PPM1B: variants seen among roughly 807,000 people sequenced by gnomAD.
PPM1B encodes the protein protein phosphatase 1B.
Under a neutral mutation model 43.0 loss-of-function variants are expected in PPM1B, and 22 were observed. The observed-to-expected ratio is 0.51, with a 90% CI of 0.37 to 0.73. The LOEUF (loss-of-function observed/expected upper bound fraction) is 0.73, where lower values mean the gene tolerates loss of function less well. Ranked by LOEUF, PPM1B falls within the 30% of genes least tolerant of loss-of-function variation. The pLI, the probability that PPM1B is intolerant of heterozygous loss-of-function variation, is 0.00. For missense variants in PPM1B, 632 were observed against 584.2 expected, an observed-to-expected ratio of 1.08 and a Z score of -0.84; for synonymous variants, 217 against 197.9, an observed-to-expected ratio of 1.10 and a Z score of -0.81.
downstream of PPM1B, among the ~76,000 whole-genome samples, chr2:44,237,293 T>TA (rs1308326333): frequency 1.3e-5 from 2 of 152,246 alleles, no homozygotes; most frequent in African/African-American, 2.4e-5. Flanking sequence ...TCGTGTATGT[T>TA]ACATTATGGT....
At chr2:44,207,889 T>C (rs1038442438) in intron 2 of PPM1B, among the ~76,000 whole-genome samples, 1 of 26,166 alleles carries the variant, frequency 3.8e-5, no homozygotes, top group Non-Finnish European at 1.1e-4. Flanking sequence ...GGCTTTATGC[T>C]TTTTTTTTTT....
At chr2:44,216,743 T>C (rs1219984630) in intron 3 of PPM1B, among the ~76,000 whole-genome samples, 1 of 151,876 alleles carries the variant, frequency 6.6e-6, no homozygotes, top group African/African-American at 2.4e-5. Context: ...CTGGCCAACA[T>C]GGTGAAACCC....
At chr2:44,181,465 G>A (rs1257452164) in intron 1 of PPM1B, among the ~76,000 whole-genome samples, 2 of 152,196 alleles carry the variant, frequency 1.3e-5, no homozygotes, top group Admixed American at 6.5e-5. Flanking sequence ...ATGATAATCT[G>A]TAGGTGGATT....
chr2:44,245,083 A>G (rs931901930), downstream of PPM1B, among the ~76,000 whole-genome samples: 16 of 152,052 alleles, frequency 1.1e-4, no homozygotes, highest in Non-Finnish European at 1.8e-4. Context: ...GCCAAAATAA[A>G]CTACATTTTC....
chr2:44,174,642 T>G (rs1667496330), intron 1 of PPM1B, among the ~76,000 whole-genome samples: 1 of 152,358 alleles, frequency 6.6e-6, no homozygotes, highest in East Asian at 1.9e-4. Flanking sequence ...AAGAAGCAGT[T>G]CTGATCAATA....
chr2:44,196,763 G>C (rs1486327475), intron 1 of PPM1B, among the ~76,000 whole-genome samples: 1 of 152,156 alleles, frequency 6.6e-6, no homozygotes, highest in Non-Finnish European at 1.5e-5. Flanking sequence ...TTGTTGCTCA[G>C]ATTGTTTATC....
In PPM1B at chr2:44,193,939, A is replaced by G. The variant is rs145284796; in HGVS notation, c.-14-7247A>G. Among the ~76,000 whole-genome samples the G allele has an allele frequency of 3.1e-3, 479 of 152,206 alleles. 1 individual carries two copies. The highest frequency in any genetic ancestry group is 0.011 in the African/African-American group (462 of 41,528). On this transcript the variant is annotated intron_variant, in intron 1 of 5. Transcript: ENST00000282412. ...TTGTTGTCCAGGCTGGTCTCGAGCT[A>G]CTGGCCTCAAGCAATCCTCCTACCT...
intron 1 of PPM1B, among the ~76,000 whole-genome samples, chr2:44,180,150 A>C (rs1007211417): frequency 5.3e-5 from 8 of 152,202 alleles, no homozygotes; most frequent in Non-Finnish European, 1.2e-4. Context: ...CAATTGCTTA[A>C]TACTTAAGGG....
In PPM1B at chr2:44,220,444, T is replaced by G. The variant is rs138497676; in HGVS notation, c.1134+1907T>G. Among the ~76,000 whole-genome samples the G allele has an allele frequency of 5.6e-3, 855 of 152,140 alleles. 4 individuals are homozygous for G. The highest frequency in any genetic ancestry group is 9.2e-3 in the Admixed American group (140 of 15,282). ...TAAATAGGCAACGGAACTATGAAAC[T>G]GGGGGGAAATGCTCAATATATAAAC... On this transcript the variant is annotated intron_variant, in intron 5 of 5. Transcript: ENST00000282412.
At chr2:44,177,872 G>T (rs1572682882) in intron 1 of PPM1B, among the ~76,000 whole-genome samples, 1 of 141,106 alleles carries the variant, frequency 7.1e-6, no homozygotes, top group East Asian at 2.1e-4. Context: ...CCATAGTATT[G>T]CATATATATT....
intron 5 of PPM1B, among the ~76,000 whole-genome samples, chr2:44,229,436 A>C (rs1670371930): frequency 1.3e-5 from 2 of 152,310 alleles, no homozygotes; most frequent in South Asian, 4.1e-4. Flanking sequence ...GTCTTTAATC[A>C]GTCAAGCCCC....
At chr2:44,210,903 T>C (rs2104184315) in intron 3 of PPM1B, among the ~76,000 whole-genome samples, 1 of 152,212 alleles carries the variant, frequency 6.6e-6, no homozygotes, top group African/African-American at 2.4e-5. Context: ...TTTGGGAGGC[T>C]GAGGTGCACG....
At chr2:44,225,063 G>A (rs1352440145) in intron 5 of PPM1B, among the ~76,000 whole-genome samples, 2 of 152,094 alleles carry the variant, frequency 1.3e-5, no homozygotes, top group Non-Finnish European at 2.9e-5. Context: ...TTGTCACCGT[G>A]ACAAATAACT....
At chr2:44,169,725 A>G (rs543591206) in intron 1 of PPM1B, among the ~76,000 whole-genome samples, 4 of 151,980 alleles carry the variant, frequency 2.6e-5, no homozygotes, top group Admixed American at 1.3e-4. Context: ...GCTCCACTTC[A>G]CTTCCTTGTT....
At chr2:44,234,690 A>C (rs1670565014), downstream of PPM1B, 1 of 834,488 alleles carries the variant, frequency 1.2e-6, no homozygotes, top group South Asian at 5.4e-5. Context: ...CTGAGGACCC[A>C]CTTATACTCT....
chr2:44,180,385 T>C (rs1667817872), intron 1 of PPM1B, among the ~76,000 whole-genome samples: 1 of 152,198 alleles, frequency 6.6e-6, no homozygotes, highest in Non-Finnish European at 1.5e-5. Context: ...CATTAGTGTG[T>C]CGTCTGTCCA....
At chr2:44,236,123 C>G (rs146210140), downstream of PPM1B, among the ~76,000 whole-genome samples, 38 of 151,978 alleles carry the variant, frequency 2.5e-4, no homozygotes, top group East Asian at 7.4e-3. Context: ...AGGCCAGGCG[C>G]AGTGGCTCAC....
downstream of PPM1B, chr2:44,233,238 C>T (rs900348759): frequency 1.2e-4 from 111 of 894,586 alleles, no homozygotes; most frequent in Middle Eastern, 5.7e-4. Flanking sequence ...ATTTTAAAAG[C>T]TCAGAATATC....
chr2:44,205,493 C>T (rs896372432), intron 2 of PPM1B, among the ~76,000 whole-genome samples: 1 of 151,970 alleles, frequency 6.6e-6, no homozygotes, highest in Non-Finnish European at 1.5e-5. Context: ...AAGTGATTCC[C>T]CTTGATGTTT....
Sources: gnomAD v4.1 joint callset for allele counts (sites outside exome capture counted in the v4.1 genomes callset) on GRCh38, gnomAD v4.1.1 for gene constraint, MANE v1.5 for transcripts, NCBI Gene and HGNC (gene_info 2026-07-23, HGNC 2026-07-21) for gene names.